TSC22D1: variants seen among roughly 807,000 people sequenced by gnomAD.
TSC22D1 encodes the protein TSC22 domain family protein 1.
In TSC22D1, 9 loss-of-function variants were observed where a neutral mutation model predicts 74.2. The ratio of observed to expected loss-of-function variants is 0.12; its 90% confidence interval spans 0.07 to 0.21. The LOEUF is 0.21. Ranked by LOEUF, TSC22D1 falls within the 10% of genes least tolerant of loss-of-function variation. TSC22D1 has a pLI of 1.00. For synonymous variants in TSC22D1, 586 were observed against 492.5 expected (o/e 1.19, Z -2.51); for missense variants, 1,427 against 1,304.7 (o/e 1.09, Z -1.44).
At chr13:44,436,668 G>T (rs41305030) in intron 1 of TSC22D1, 2 of 1,597,996 alleles carry the variant, frequency 1.3e-6, no homozygotes, top group African/African-American at 2.7e-5. Flanking sequence ...AAAAAAGAGG[G>T]AACACCAGCA....
chr13:44,538,860 A>G, intron 1 of TSC22D1: 1 of 985,434 alleles, frequency 1.0e-6, no homozygotes. Flanking sequence ...TTGCTGAAGA[A>G]GTATGATGTT....
At chr13:44,569,347 T>C (rs1290528148) in intron 1 of TSC22D1, among the ~76,000 whole-genome samples, 1 of 152,184 alleles carries the variant, frequency 6.6e-6, no homozygotes, top group East Asian at 1.9e-4. Context: ...AAGCAAGTTA[T>C]TTAGAGACTG....
intron 1 of TSC22D1, among the ~76,000 whole-genome samples, chr13:44,550,628 G>A (rs115508202): frequency 2.6e-5 from 4 of 151,570 alleles, no homozygotes; most frequent in African/African-American, 9.7e-5. Context: ...TGAAGCTAGT[G>A]TACATTCCCT....
At chr13:44,456,233 G>C (rs543351292) in intron 1 of TSC22D1, among the ~76,000 whole-genome samples, 1 of 152,186 alleles carries the variant, frequency 6.6e-6, no homozygotes, top group African/African-American at 2.4e-5. Context: ...AAGCTTCCAC[G>C]GCGGAGAAGA....
At position 44,575,196 on chromosome 13, in the gene TSC22D1, C is replaced by T; in HGVS notation, c.879G>A (p.Met293Ile). ...SGSPASVMTN[M>I]RAPSTTGGIG... Reference sequence around the variant, plus strand: ...TTCCACCTGTAGTACTTGGAGCACGCATATTAGTCATTACAGATGCAGGTG... The same window carrying T: ...TTCCACCTGTAGTACTTGGAGCACGTATATTAGTCATTACAGATGCAGGTG... Residue 293 changes from methionine (M) to isoleucine (I), a missense_variant, in exon 1 of 3, where the codon ATG (methionine) becomes ATA (isoleucine). By Grantham distance (10) the Met-to-Ile change is conservative (BLOSUM62 1). This residue lies in a region of TSC22D1 where 1,343 missense variants were observed against 1,191.5 expected (regional missense o/e 1.13). Transcript: ENST00000458659. The T allele has an allele frequency of 3.1e-6, 5 of 1,614,012 alleles. No homozygotes were observed. The highest frequency in any genetic ancestry group is 2.5e-6 in the Non-Finnish European group (3 of 1,180,044).
At chr13:44,551,633 C>T (rs1380304071) in intron 1 of TSC22D1, among the ~76,000 whole-genome samples, 1 of 152,158 alleles carries the variant, frequency 6.6e-6, no homozygotes, top group African/African-American at 2.4e-5. Flanking sequence ...GTTGGGCAGG[C>T]TGGTCTTGAA....
At chr13:44,464,932 T>TAA (rs940824112) in intron 1 of TSC22D1, among the ~76,000 whole-genome samples, 13 of 150,492 alleles carry the variant, frequency 8.6e-5, no homozygotes, top group African/African-American at 3.2e-4. Flanking sequence ...ATTTCACTCT[T>TAA]CTTTGTGTAT....
In TSC22D1 at chr13:44,574,710, C is replaced by T. The variant is rs139445013; in HGVS notation, c.1365G>A (p.Pro455=). 2 of 1,613,988 alleles carry T rather than the reference C, an allele frequency of 1.2e-6. No homozygotes were observed. Among genetic ancestry groups the T allele is most frequent in the African/African-American group, 2.7e-5 (2 of 74,930 alleles). Residue 455 remains proline (P), a synonymous_variant, in exon 1 of 3, where the codon CCG becomes CCA. Transcript: ENST00000458659. The part of the protein sequence containing the change: ...NKVVETVKQN[P]IEVTSEREST... ...TCTCCCTTTCAGAAGTCACTTCTAT[C>T]GGATTTTGCTTTACAGTCTCCACCA...
Position 44,576,286 on chromosome 13 carries a change from G to A in TSC22D1, c.-212C>T, listed in dbSNP as rs1043600398. 5 of 649,698 alleles carry A rather than the reference G, an allele frequency of 7.7e-6. No homozygotes were observed. The highest frequency in any genetic ancestry group is 3.7e-5 in the African/African-American group (2 of 54,580). The allele number at this position is 649,698 out of a possible 1,614,324, so 40.2% of individuals were successfully genotyped here. On this transcript the variant is annotated 5_prime_UTR_variant, in exon 1 of 3. Coordinates refer to ENST00000458659, the MANE Select transcript of TSC22D1 (RefSeq NM_183422.4). Reference sequence around the variant, plus strand: ...ATGAACGAGGGTGAACAGGGCGGCCGGGGACCCGAAGGGGGGATCCCTTCA... The same window carrying A: ...ATGAACGAGGGTGAACAGGGCGGCCAGGGACCCGAAGGGGGGATCCCTTCA...
intron 1 of TSC22D1, among the ~76,000 whole-genome samples, chr13:44,564,098 C>G (rs1883214150): frequency 6.6e-6 from 1 of 152,128 alleles, no homozygotes; most frequent in Non-Finnish European, 1.5e-5. Flanking sequence ...ATCACATGAT[C>G]ATAAAGAACT....
chr13:44,563,201 T>G (rs956417973), intron 1 of TSC22D1, among the ~76,000 whole-genome samples: 1 of 152,198 alleles, frequency 6.6e-6, no homozygotes, highest in Non-Finnish European at 1.5e-5. Flanking sequence ...CATGAATTTT[T>G]GGGGAAATTG....
At chr13:44,572,789 A>AC (rs1013531152) in intron 1 of TSC22D1, among the ~76,000 whole-genome samples, 8 of 152,292 alleles carry the variant, frequency 5.3e-5, no homozygotes, top group African/African-American at 1.9e-4. Flanking sequence ...GGGAACCACA[A>AC]CCCCCCAAGA....
intron 1 of TSC22D1, among the ~76,000 whole-genome samples, chr13:44,504,233 G>A (rs1001366420): frequency 3.5e-4 from 12 of 33,992 alleles, no homozygotes; most frequent in East Asian, 7.0e-4. Flanking sequence ...GCCCCTCCCC[G>A]GAAACCAAAT....
At chr13:44,479,595 TA>T (rs1357307009) in intron 1 of TSC22D1, among the ~76,000 whole-genome samples, 1 of 152,150 alleles carries the variant, frequency 6.6e-6, no homozygotes, top group East Asian at 1.9e-4. Flanking sequence ...TAAAAGCAAC[TA>T]AACAAAAATG....
In TSC22D1 at chr13:44,542,881, T is replaced by C. The variant is rs553532494; in HGVS notation, c.2912+30282A>G. Among the ~76,000 whole-genome samples, 249 of 152,240 alleles carry C rather than the reference T, an allele frequency of 1.6e-3. 1 individual carries two copies. Among genetic ancestry groups the C allele is most frequent in the African/African-American group, 5.6e-3 (233 of 41,564 alleles). On this transcript the variant is annotated intron_variant, in intron 1 of 2. Transcript: ENST00000458659. The stretch of plus-strand genomic sequence containing the variant: ...CTCCTAAAAATGATACAGGAAGCCC[T>C]TACCTAATTCTATTTTAGTGGACAA...
intron 1 of TSC22D1, among the ~76,000 whole-genome samples, chr13:44,478,318 A>G (rs555955237): frequency 1.3e-5 from 2 of 152,282 alleles, no homozygotes; most frequent in Admixed American, 1.3e-4. Context: ...AACTCCACAC[A>G]CTAAGTACTT....
intron 1 of TSC22D1, chr13:44,538,802 C>CCA: frequency 1.0e-6 from 1 of 985,390 alleles, no homozygotes; most frequent in Non-Finnish European, 1.2e-6. Context: ...CAGGTGCTGG[C>CCA]ATGTGTGACA....
chr13:44,509,950 CAAAAAAAAAAAA>C, intron 1 of TSC22D1, among the ~76,000 whole-genome samples: 1 of 51,426 alleles, frequency 1.9e-5, no homozygotes, highest in Admixed American at 2.7e-4. Context: ...AGAAAATAAG[CAAAAAAAAAAAA>C]AAAAAAAAAG....
In TSC22D1 at chr13:44,449,197, T is replaced by A. The variant is rs955740172; in HGVS notation, c.2913-13102A>T. ...AGGCTGGGCAGGCTGACAGGGGCAC[T>A]CAGATCAGTCCCAGTGCCAGTGAGG... On this transcript the variant is annotated intron_variant, in intron 1 of 2. Coordinates refer to ENST00000458659, the MANE Select transcript of TSC22D1 (RefSeq NM_183422.4). Among the ~76,000 whole-genome samples the A allele has an allele frequency of 1.5e-4, 23 of 152,104 alleles. 1 individual carries two copies. Among genetic ancestry groups the A allele is most frequent in the Admixed American group, 1.4e-3 (22 of 15,276 alleles).
Sources: allele counts gnomAD v4.1 joint callset (sites outside exome capture counted in the v4.1 genomes callset), GRCh38; gene constraint gnomAD v4.1.1; regional missense constraint gnomAD v4.1.1; transcripts MANE v1.5; gene names NCBI Gene and HGNC (gene_info 2026-07-23, HGNC 2026-07-21).